ARHGAP10: variants seen among roughly 807,000 people sequenced by gnomAD.
ARHGAP10 encodes the protein rho GTPase-activating protein 10.
ARHGAP10 carries 87 observed loss-of-function variants against 108.6 expected under a neutral mutation model. The ratio of observed to expected loss-of-function variants is 0.80; its 90% CI spans 0.67 to 0.96. ARHGAP10 has a LOEUF of 0.96. Among genes scored for constraint, ARHGAP10 ranks in the 40% least tolerant of loss-of-function variants. ARHGAP10 has a pLI of 0.00. For synonymous variants in ARHGAP10, 347 were observed against 341.1 expected (o/e 1.02, Z -0.19); for missense variants, 939 against 954.5 (o/e 0.98, Z 0.21).
intron 1 of ARHGAP10, among the ~76,000 whole-genome samples, chr4:147,775,922 C>T (rs192584106): frequency 1.3e-5 from 2 of 152,188 alleles, no homozygotes; most frequent in African/African-American, 2.4e-5. Context: ...ACAACATCTC[C>T]GTTTTACACA....
chr4:147,911,994 CGTGTGTGTGTGTGT>C (rs36217593), intron 12 of ARHGAP10, among the ~76,000 whole-genome samples: 6,288 of 135,328 alleles, frequency 0.046, 193 homozygotes, highest in Middle Eastern at 0.094. Context: ...AGAACATTCA[CGTGTGTGTGTGTGT>C]GTGTGTGTGT....
chr4:147,962,850 A>G (rs766816707), intron 16 of ARHGAP10, among the ~76,000 whole-genome samples: 1 of 151,872 alleles, frequency 6.6e-6, no homozygotes, highest in South Asian at 2.1e-4. Flanking sequence ...TTTAGTAGAG[A>G]TGGTCTCACT....
intron 20 of ARHGAP10, among the ~76,000 whole-genome samples, chr4:148,061,788 C>T (rs1253320333): frequency 6.6e-6 from 1 of 152,210 alleles, no homozygotes; most frequent in Non-Finnish European, 1.5e-5. Flanking sequence ...CCCCGCCAAT[C>T]TGCCTGGCTT....
intron 14 of ARHGAP10, 86 bp downstream of exon 14, chr4:147,939,985 G>T (rs778679586): frequency 4.8e-6 from 6 of 1,261,808 alleles, no homozygotes; most frequent in Admixed American, 3.9e-5. Flanking sequence ...ATAATGTAGA[G>T]AATACTTGTC....
intron 10 of ARHGAP10, among the ~76,000 whole-genome samples, chr4:147,901,726 C>G (rs957320954): frequency 6.6e-6 from 1 of 152,178 alleles, no homozygotes; most frequent in Admixed American, 6.6e-5. Context: ...TACTTCTAGT[C>G]ATAACTCTTT....
intron 15 of ARHGAP10, among the ~76,000 whole-genome samples, chr4:147,954,222 G>A (rs1366594794): frequency 2.0e-5 from 3 of 151,908 alleles, no homozygotes; most frequent in Non-Finnish European, 4.4e-5. Flanking sequence ...GATTAAGTTG[G>A]TTGATATTTT....
chr4:148,024,226 G>A (rs1741682853), intron 19 of ARHGAP10, among the ~76,000 whole-genome samples: 1 of 152,220 alleles, frequency 6.6e-6, no homozygotes, highest in Non-Finnish European at 1.5e-5. Flanking sequence ...GACTCGTGTT[G>A]TGAGGCCTTC....
At chr4:147,946,729 A>G in intron 15 of ARHGAP10, 25 bp downstream of exon 15, 1 of 1,537,680 alleles carries the variant, frequency 6.5e-7, no homozygotes, top group Non-Finnish European at 8.8e-7. Context: ...GTAGCAAGAA[A>G]GAAGAATGGA....
intron 18 of ARHGAP10, among the ~76,000 whole-genome samples, chr4:148,018,285 G>A (rs1414146199): frequency 6.6e-6 from 1 of 152,032 alleles, no homozygotes; most frequent in Non-Finnish European, 1.5e-5. Flanking sequence ...GGGAGAGCTG[G>A]GCAATCTTAG....
intron 1 of ARHGAP10, among the ~76,000 whole-genome samples, chr4:147,753,533 T>C (rs956466718): frequency 2.6e-5 from 4 of 151,224 alleles, no homozygotes; most frequent in South Asian, 2.1e-4. Flanking sequence ...TTTTTTTTTT[T>C]AGTGGAGATG....
At chr4:147,735,936 G>C (rs1233051039) in intron 1 of ARHGAP10, among the ~76,000 whole-genome samples, 1 of 152,178 alleles carries the variant, frequency 6.6e-6, no homozygotes, top group Non-Finnish European at 1.5e-5. Flanking sequence ...CATACAGGTA[G>C]ATAGCACAGT....
intron 1 of ARHGAP10, among the ~76,000 whole-genome samples, chr4:147,786,522 C>T (rs1730898569): frequency 1.3e-5 from 2 of 152,086 alleles, no homozygotes; most frequent in South Asian, 2.1e-4. Flanking sequence ...AGATACTTTC[C>T]CATCTGCAGG....
intron 14 of ARHGAP10, among the ~76,000 whole-genome samples, chr4:147,942,115 G>C (rs766907072): frequency 2.6e-5 from 4 of 152,134 alleles, no homozygotes; most frequent in Non-Finnish European, 4.4e-5. Context: ...GTGTGGGTCT[G>C]CCAAGTTTTT....
At chr4:147,919,988 G>A (rs1179737225) in intron 13 of ARHGAP10, among the ~76,000 whole-genome samples, 1 of 152,150 alleles carries the variant, frequency 6.6e-6, no homozygotes, top group Admixed American at 6.5e-5. Context: ...ATTCTAATAT[G>A]TAGCAAAGTT....
At chr4:147,823,249 CTTTAA>C (rs953021065) in intron 3 of ARHGAP10, among the ~76,000 whole-genome samples, 4 of 152,130 alleles carry the variant, frequency 2.6e-5, no homozygotes, top group African/African-American at 9.7e-5. Flanking sequence ...CAGCAGAGCA[CTTTAA>C]TTTATGTAGG....
Position 147,955,322 on chromosome 4 carries a change from T to C in ARHGAP10, c.1398T>C (p.Leu466=). ...AGCTGTTCTTTTCACACAGGAGTCT[T>C]CCAGAGCCTCTCATGACCTATGAGT... ...TSALKQYLRS[L]PEPLMTYELH... is the part of the protein sequence containing the mutation. The change falls in exon 16 of 23, where the codon CTT becomes CTC. Residue 466 remains leucine (L), a synonymous_variant. Transcript: ENST00000336498. 6.2e-7 allele frequency: 1 copy of C among 1,611,424 alleles called. No individual in the cohort carries two copies. The highest frequency in any genetic ancestry group is 1.1e-5 in the South Asian group (1 of 90,852).
At chr4:148,050,022 C>T (rs1032637837) in intron 20 of ARHGAP10, among the ~76,000 whole-genome samples, 1 of 151,984 alleles carries the variant, frequency 6.6e-6, no homozygotes. Flanking sequence ...CACGTGCCAC[C>T]GCACTGGCTA....
chr4:147,855,484 CT>C (rs1734048807), intron 4 of ARHGAP10, among the ~76,000 whole-genome samples: 1 of 152,068 alleles, frequency 6.6e-6, no homozygotes, highest in South Asian at 2.1e-4. Flanking sequence ...AAAATAAAGT[CT>C]TCTGATCCTC....
intron 1 of ARHGAP10, among the ~76,000 whole-genome samples, chr4:147,768,822 T>A (rs1729946159): frequency 6.6e-6 from 1 of 150,926 alleles, no homozygotes. Flanking sequence ...CACTGCAGCC[T>A]CCGCCTCCTG....
Sources: gnomAD v4.1 joint callset for allele counts (sites outside exome capture counted in the v4.1 genomes callset) on GRCh38, gnomAD v4.1.1 for gene constraint, MANE v1.5 for transcripts, NCBI Gene and HGNC (gene_info 2026-07-23, HGNC 2026-07-21) for gene names.